SGCD: variants seen among roughly 807,000 people sequenced by gnomAD.
The protein encoded by SGCD is delta-sarcoglycan.
A neutral mutation model predicts 36.6 loss-of-function variants in SGCD; 18 were observed. The observed-to-expected ratio is 0.49, with a 90% CI of 0.34 to 0.73. The LOEUF (loss-of-function observed/expected upper bound fraction) is 0.73. SGCD is among the 30% of genes least tolerant of loss of function. The pLI is 0.01. For synonymous variants in SGCD, 133 were observed against 130.6 expected (o/e 1.02, Z -0.12); for missense variants, 387 against 346.7 (o/e 1.12, Z -0.92).
chr5:156,566,410 C>A (rs1164684990), intron 4 of SGCD, among the ~76,000 whole-genome samples: 3 of 152,114 alleles, frequency 2.0e-5, no homozygotes, highest in Non-Finnish European at 2.9e-5. Flanking sequence ...AGCATGTCAT[C>A]AAATCCCTGG....
intron 4 of SGCD, among the ~76,000 whole-genome samples, chr5:156,545,391 T>G (rs1196217177): frequency 2.0e-5 from 3 of 152,092 alleles, no homozygotes; most frequent in African/African-American, 7.2e-5. Context: ...AGGGCTCAGT[T>G]TTGTCATCTA....
At chr5:156,407,549 A>G (rs1212903070) in intron 3 of SGCD, among the ~76,000 whole-genome samples, 3 of 152,240 alleles carry the variant, frequency 2.0e-5, no homozygotes, top group Non-Finnish European at 4.4e-5. Context: ...AAGAATTTTT[A>G]AAAGACATTG....
chr5:155,910,639 G>T (rs887922757), intron 1 of SGCD, among the ~76,000 whole-genome samples: 6 of 152,110 alleles, frequency 3.9e-5, no homozygotes, highest in African/African-American at 1.4e-4. Flanking sequence ...CAAGGGAACT[G>T]CCTAAAAGAT....
At chr5:156,690,797 A>G (rs913070022) in intron 7 of SGCD, among the ~76,000 whole-genome samples, 3 of 152,196 alleles carry the variant, frequency 2.0e-5, no homozygotes, top group African/African-American at 7.2e-5. Flanking sequence ...ATGAAATCCA[A>G]GAATAGTATA....
At chr5:155,960,421 G>C (rs529655786) in intron 1 of SGCD, among the ~76,000 whole-genome samples, 44 of 152,140 alleles carry the variant, frequency 2.9e-4, no homozygotes, top group Non-Finnish European at 5.3e-4. Flanking sequence ...CCAGTCTTCT[G>C]TTTGAGGCAA....
At chr5:156,590,918 C>A (rs1760700399) in intron 5 of SGCD, among the ~76,000 whole-genome samples, 1 of 151,730 alleles carries the variant, frequency 6.6e-6, no homozygotes, top group Non-Finnish European at 1.5e-5. Flanking sequence ...CTTGTTTCTT[C>A]CTCCTTCTCC....
chr5:156,210,634 A>G (rs1446308907), intron 3 of SGCD, among the ~76,000 whole-genome samples: 1 of 152,090 alleles, frequency 6.6e-6, no homozygotes, highest in South Asian at 2.1e-4. Context: ...AAAATCAAAC[A>G]GAAGTCCTGG....
intron 3 of SGCD, among the ~76,000 whole-genome samples, chr5:156,441,399 G>A (rs777789383): frequency 3.3e-5 from 5 of 152,068 alleles, no homozygotes; most frequent in Non-Finnish European, 5.9e-5. Context: ...TCATGGGGAC[G>A]TTTTGTAAAT....
At chr5:156,261,602 T>G (rs976517867) in intron 3 of SGCD, among the ~76,000 whole-genome samples, 3 of 152,202 alleles carry the variant, frequency 2.0e-5, no homozygotes, top group Non-Finnish European at 4.4e-5. Context: ...TTTATCATTA[T>G]TTTAGAGTGT....
At chr5:156,668,452 G>T (rs1164475605) in intron 7 of SGCD, among the ~76,000 whole-genome samples, 2 of 152,094 alleles carry the variant, frequency 1.3e-5, no homozygotes, top group Non-Finnish European at 2.9e-5. Context: ...TTCTCTTAGA[G>T]TGTAGAAGGC....
intron 7 of SGCD, among the ~76,000 whole-genome samples, chr5:156,744,710 A>G (rs964545197): frequency 1.3e-5 from 2 of 152,232 alleles, no homozygotes; most frequent in Non-Finnish European, 2.9e-5. Context: ...TAATGGAGCC[A>G]TGATCAACAA....
At chr5:156,507,955 G>A (rs1191346810) in intron 3 of SGCD, among the ~76,000 whole-genome samples, 1 of 152,130 alleles carries the variant, frequency 6.6e-6, no homozygotes, top group Non-Finnish European at 1.5e-5. Flanking sequence ...TGTGTGTGTG[G>A]TAATGGGATT....
chr5:156,085,576 A>G lies in SGCD; in HGVS notation c.-281-32302A>G, dbSNP rs1581090054. On this transcript the variant is annotated intron_variant, in intron 1 of 9. Coordinates refer to the SGCD transcript ENST00000517913. ...TGAGCCAATTAAACCTCTTTTCTTT[A>G]TAAATTACCCAGTTTCAGGTATCTC... Among the ~76,000 whole-genome samples, 3 of 152,322 alleles carry G rather than the reference A, an allele frequency of 2.0e-5. 1 individual carries two copies. The highest frequency in any genetic ancestry group is 6.5e-5 in the Admixed American group (1 of 15,292).
intron 7 of SGCD, among the ~76,000 whole-genome samples, chr5:156,697,268 C>A (rs1368033021): frequency 6.6e-6 from 1 of 152,096 alleles, no homozygotes. Context: ...AATATAGTTG[C>A]TTCAGAAACA....
chr5:156,227,689 A>T (rs249873), intron 3 of SGCD, among the ~76,000 whole-genome samples: 89,906 of 151,612 alleles, frequency 0.59, 26,811 homozygotes, highest in East Asian at 0.7. Flanking sequence ...GTAGATTGGG[A>T]TTGATTTGTT....
intron 6 of SGCD, among the ~76,000 whole-genome samples, chr5:156,605,108 G>C (rs534585076): frequency 6.6e-6 from 1 of 151,952 alleles, no homozygotes; most frequent in South Asian, 2.1e-4. Context: ...GTGCAGGTTT[G>C]TTACCTATGT....
chr5:155,901,324 A>AG (rs1211301980), intron 1 of SGCD, among the ~76,000 whole-genome samples: 2 of 151,826 alleles, frequency 1.3e-5, no homozygotes, highest in Admixed American at 6.6e-5. Flanking sequence ...GAGAAAAAAA[A>AG]AAAAAAGTAA....
In SGCD at chr5:156,251,742, T is replaced by G. The variant is rs1298950727; in HGVS notation, c.-43-77792T>G. Among the ~76,000 whole-genome samples, 5 of 152,178 alleles carry G rather than the reference T, an allele frequency of 3.3e-5. No individual in the cohort carries two copies. In the East Asian group the frequency reaches 7.8e-4, roughly 24 times the overall value. ...TATTGGCCAGGATGGTCTCGATTTC[T>G]TGACCTCATGATCCTCCCACCTCGC... is the stretch of plus-strand genomic sequence containing the variant. On this transcript the variant is annotated intron_variant, in intron 3 of 9. Transcript: ENST00000517913.
chr5:156,008,413 C>T (rs955693332), intron 1 of SGCD, among the ~76,000 whole-genome samples: 135 of 152,050 alleles, frequency 8.9e-4, no homozygotes, highest in African/African-American at 3.0e-3. Flanking sequence ...TCTGGCTCTG[C>T]TCTTCAGGCT....
Sources: gnomAD v4.1 joint callset for allele counts (sites outside exome capture counted in the v4.1 genomes callset) on GRCh38, gnomAD v4.1.1 for gene constraint, MANE v1.5 for transcripts, NCBI Gene and HGNC (gene_info 2026-07-23, HGNC 2026-07-21) for gene names.